Variants in SHROOM4 observed in about 807,000 individuals in gnomAD.
SHROOM4 encodes protein Shroom4.
Under a neutral mutation model 80.3 loss-of-function variants are expected in SHROOM4, and 17 were observed. The observed-to-expected ratio is 0.21, with a 90% confidence interval of 0.14 to 0.32. The LOEUF (loss-of-function observed/expected upper bound fraction) is 0.32, where lower values mean the gene tolerates loss of function less well. Among genes scored for constraint, SHROOM4 ranks in the 10% least tolerant of loss-of-function variants. SHROOM4 has a pLI of 1.00. For synonymous variants in SHROOM4, 400 were observed against 437.5 expected (o/e 0.91, Z 1.07); for missense variants, 993 against 1,140.3 (o/e 0.87, Z 1.86).
At chrX:50,704,905 T>C (rs1557263834) in intron 1 of SHROOM4, among the ~76,000 whole-genome samples, 41 of 111,725 alleles carry the variant, frequency 3.7e-4, no homozygotes, top group Non-Finnish European at 1.9e-5. Flanking sequence ...CTTAGACCTC[T>C]GACCAGTGGG....
chrX:50,598,165 T>A lies in SHROOM4; in HGVS notation c.4212+101A>T. On this transcript the variant is annotated intron_variant, in intron 8 of 8. Transcript: ENST00000376020. ...CAGTGCTCACATGCTTTTAATCCCA[T>A]GCTCTACTGTTTCCTATAGTAGCCC... 3.7e-6 allele frequency: 4 copies of A among 1,078,981 alleles called. No individual in the cohort carries two copies. In the South Asian group the frequency reaches 7.6e-5, roughly 20 times the overall value. 88.9% of individuals were successfully genotyped at this position (1,078,981 alleles called of 1,213,427 possible).
In SHROOM4 at chrX:50,634,785, C is replaced by A. The variant is rs61748283; in HGVS notation, c.1288G>T (p.Gly430Cys). The change falls in exon 4 of 9, where the codon GGC becomes TGC. Residue 430 changes from glycine (G) to cysteine (C), a missense_variant. Physicochemically the swap from Gly to Cys is radical, Grantham distance 159 (BLOSUM62 -3). Transcript: ENST00000376020. Reference sequence around the variant, plus strand: ...GGTGGGAGCTCCATCCCTTTGCTGCCCCTGGTATCAAGGTGCACATGCTGC... The same window carrying A: ...GGTGGGAGCTCCATCCCTTTGCTGCACCTGGTATCAAGGTGCACATGCTGC... ...HLQHVHLDTR[G>C]SKGMELPPVQ... is the part of the protein sequence containing the mutation. 2.8e-3 allele frequency: 3,369 copies of A among 1,209,805 alleles called. 57 individuals are homozygous for A. The African/African-American group carries it at 0.053, about 19-fold the overall frequency.
chrX:50,795,577 G>C (rs1193979236), intron 1 of SHROOM4, among the ~76,000 whole-genome samples: 1 of 111,415 alleles, frequency 9.0e-6, no homozygotes, highest in Non-Finnish European at 1.9e-5. Flanking sequence ...ATTTCTGATG[G>C]GCTTCAAGGA....
intron 2 of SHROOM4, among the ~76,000 whole-genome samples, chrX:50,651,663 A>G (rs1424289731): frequency 9.0e-6 from 1 of 111,534 alleles, no homozygotes; most frequent in Non-Finnish European, 1.9e-5. Flanking sequence ...TACACGTGTC[A>G]TGGTGGTTTG....
chrX:50,671,439 T>C (rs1932797072), intron 2 of SHROOM4, among the ~76,000 whole-genome samples: 1 of 112,262 alleles, frequency 8.9e-6, no homozygotes, highest in Non-Finnish European at 1.9e-5. Context: ...AAATCTGTTG[T>C]TCAGTGTAGC....
chrX:50,614,936 A>G (rs1204129970), intron 5 of SHROOM4, among the ~76,000 whole-genome samples: 1 of 112,541 alleles, frequency 8.9e-6, no homozygotes, highest in East Asian at 2.8e-4. Flanking sequence ...AAAATAAAAA[A>G]GCAGGATGTA....
chrX:50,671,275 A>T (rs782306217), intron 2 of SHROOM4, among the ~76,000 whole-genome samples: 7 of 111,799 alleles, frequency 6.3e-5, no homozygotes, highest in Non-Finnish European at 1.1e-4. Context: ...ATGATCAATG[A>T]CTTCAACTTA....
intron 1 of SHROOM4, among the ~76,000 whole-genome samples, chrX:50,764,996 C>G (rs1935242124): frequency 8.9e-6 from 1 of 111,830 alleles, no homozygotes; most frequent in African/African-American, 3.3e-5. Flanking sequence ...GGGAACTTCC[C>G]TTTATAAAAC....
chrX:50,746,797 G>C (rs1398997576), intron 1 of SHROOM4, among the ~76,000 whole-genome samples: 1 of 111,789 alleles, frequency 8.9e-6, no homozygotes, highest in Non-Finnish European at 1.9e-5. Flanking sequence ...GGGTGGTCCA[G>C]TTTCTACAGA....
At chrX:50,629,141 C>T (rs1174905393) in intron 4 of SHROOM4, among the ~76,000 whole-genome samples, 3 of 110,931 alleles carry the variant, frequency 2.7e-5, no homozygotes, top group African/African-American at 9.8e-5. Context: ...TATCACTCTA[C>T]TTTTTTTTTC....
Position 50,635,555 on chromosome X carries a change from T to A in SHROOM4, c.518A>T (p.His173Leu), listed in dbSNP as rs1931313725. The change falls in exon 4 of 9, where the codon CAT (histidine) becomes CTT (leucine). Residue 173 changes from histidine to leucine, a missense_variant. His to Leu is a moderately conservative substitution (Grantham distance 99). Coordinates refer to ENST00000376020, the MANE Select transcript of SHROOM4 (RefSeq NM_020717.5). ...CATGTTCTGGTCAATAGGCAACAGA[T>A]GGCTCTCATAGGTGGCTTGGCCTGG... is the stretch of plus-strand genomic sequence containing the variant. ...EQPGQATYES[H>L]LLPIDQNMYP... is the part of the protein sequence containing the mutation. 1 of 1,208,176 alleles carries A rather than the reference T, an allele frequency of 8.3e-7. No individual in the cohort carries two copies. Among genetic ancestry groups the A allele is most frequent in the Admixed American group, 2.2e-5 (1 of 45,585 alleles).
intron 1 of SHROOM4, among the ~76,000 whole-genome samples, chrX:50,746,057 A>G (rs1934767482): frequency 8.9e-6 from 1 of 111,900 alleles, no homozygotes; most frequent in South Asian, 3.8e-4. Flanking sequence ...TAGGTGTTAT[A>G]TACACTGGAT....
chrX:50,598,683 T>G, intron 7 of SHROOM4, 148 bp from the exon 8 acceptor site: 1 of 679,219 alleles, frequency 1.5e-6, no homozygotes, highest in African/African-American at 2.2e-5. Flanking sequence ...GGGCAAGTCA[T>G]GAGCAACTCC....
intron 5 of SHROOM4, among the ~76,000 whole-genome samples, chrX:50,613,359 CCA>C (rs1265981743): frequency 2.7e-5 from 3 of 111,947 alleles, no homozygotes; most frequent in Admixed American, 9.5e-5. Context: ...AGCAATCCAC[CCA>C]CTTCGGCCTC....
intron 4 of SHROOM4, among the ~76,000 whole-genome samples, chrX:50,628,478 A>C (rs979594664): frequency 1.2e-4 from 13 of 111,280 alleles, no homozygotes; most frequent in African/African-American, 4.2e-4. Flanking sequence ...CCAATACTCC[A>C]CACCTAGAGA....
chrX:50,799,512 G>C (rs1410786077), intron 1 of SHROOM4, among the ~76,000 whole-genome samples: 1 of 111,320 alleles, frequency 9.0e-6, no homozygotes, highest in Non-Finnish European at 1.9e-5. Flanking sequence ...AAGACAGAGT[G>C]AGTTCCCTTT....
chrX:50,720,064 G>T (rs1934068408), intron 1 of SHROOM4, among the ~76,000 whole-genome samples: 2 of 111,723 alleles, frequency 1.8e-5, no homozygotes, highest in Non-Finnish European at 3.8e-5. Flanking sequence ...AGGCAATTTT[G>T]TTTCTGAAAT....
rs1223861572 is a variant in SHROOM4, at chrX:50,633,827, C to T, written c.2246G>A (p.Gly749Asp). 1 of 1,210,832 alleles carries T rather than the reference C, an allele frequency of 8.3e-7. No individual in the cohort carries two copies. The highest frequency in any genetic ancestry group is 1.1e-6 in the Non-Finnish European group (1 of 895,466). ...AGAAGCCTTCAATTCCTTGTTGTCA[C>T]CTGGGTTGGAAGGGCCTTCCATGGC... is the stretch of plus-strand genomic sequence containing the variant. ...AAAMEGPSNP[G>D]DNKELKASTA... The change falls in exon 4 of 9, where the codon GGT becomes GAT. Residue 749 changes from glycine to aspartate, a missense_variant. By Grantham distance (94) the Gly-to-Asp change is moderately conservative (BLOSUM62 -1). Coordinates refer to ENST00000376020, the MANE Select transcript of SHROOM4 (RefSeq NM_020717.5).
intron 6 of SHROOM4, among the ~76,000 whole-genome samples, chrX:50,606,429 T>G (rs1294500123): frequency 1.8e-5 from 2 of 109,399 alleles, no homozygotes; most frequent in African/African-American, 6.7e-5. Flanking sequence ...ATAAAGAGAG[T>G]TAAGGAAAGC....
Sources: gnomAD v4.1 joint callset for allele counts (sites outside exome capture counted in the v4.1 genomes callset) on GRCh38, gnomAD v4.1.1 for gene constraint, MANE v1.5 for transcripts, NCBI Gene and HGNC (gene_info 2026-07-23, HGNC 2026-07-21) for gene names.